The following RNF169 variants were observed in gnomAD, a reference collection of about 807,000 sequenced individuals.
RNF169 encodes E3 ubiquitin-protein ligase RNF169.
Under a neutral mutation model 53.9 loss-of-function variants are expected in RNF169, and 24 were observed. That is an observed-to-expected ratio of 0.45 (90% CI 0.32 to 0.63). RNF169 has a LOEUF of 0.63. RNF169 is among the 20% of genes least tolerant of loss of function. The pLI, the probability that RNF169 is intolerant of heterozygous loss-of-function variation, is 0.04. For synonymous variants in RNF169, 396 were observed against 363.5 expected, an observed-to-expected ratio of 1.09 and a Z score of -1.02; for missense variants, 883 against 906.2, an observed-to-expected ratio of 0.97 and a Z score of 0.33.
intron 2 of RNF169, among the ~76,000 whole-genome samples, chr11:74,792,296 T>C (rs2035590198): frequency 6.6e-6 from 1 of 152,200 alleles, no homozygotes; most frequent in Non-Finnish European, 1.5e-5. Flanking sequence ...TTTTTAGACA[T>C]TTTGAAAATG....
chr11:74,765,183 T>G (rs1019020903), intron 1 of RNF169, among the ~76,000 whole-genome samples: 1 of 152,204 alleles, frequency 6.6e-6, no homozygotes. Context: ...TACTCCAACC[T>G]AGGTGACAGA....
chr11:74,795,490 G>T (rs2035635375), intron 2 of RNF169, among the ~76,000 whole-genome samples: 1 of 152,140 alleles, frequency 6.6e-6, no homozygotes, highest in Non-Finnish European at 1.5e-5. Context: ...AGTTTTAAAG[G>T]AATGCTGTGC....
At chr11:74,831,430 T>C (rs1442675511) in intron 4 of RNF169, 4 of 152,200 alleles carry the variant, frequency 2.6e-5, no homozygotes, top group Admixed American at 6.5e-5. Flanking sequence ...TGAATAAATT[T>C]AACCGCAGTA....
chr11:74,749,524 A>T (rs1318609576), intron 1 of RNF169, 142 bp downstream of exon 1: 1 of 699,348 alleles, frequency 1.4e-6, no homozygotes, highest in Non-Finnish European at 1.9e-6. Flanking sequence ...GGCTCTACCC[A>T]GGTGCAGTGT....
At chr11:74,821,805 G>A (rs1463992315) in intron 4 of RNF169, among the ~76,000 whole-genome samples, 1 of 152,106 alleles carries the variant, frequency 6.6e-6, no homozygotes, top group Non-Finnish European at 1.5e-5. Context: ...TCCTTTTTGA[G>A]GTGACAGAAA....
intron 1 of RNF169, among the ~76,000 whole-genome samples, chr11:74,772,612 C>A (rs1007596615): frequency 1.3e-5 from 2 of 151,978 alleles, no homozygotes; most frequent in African/African-American, 4.8e-5. Flanking sequence ...CTATTTTTGA[C>A]CTTGAGTAGA....
chr11:74,791,850 C>T (rs542961106), intron 2 of RNF169, among the ~76,000 whole-genome samples: 1 of 152,350 alleles, frequency 6.6e-6, no homozygotes, highest in East Asian at 1.9e-4. Context: ...GAGGGCATGG[C>T]TCCTACCTGT....
intron 4 of RNF169, among the ~76,000 whole-genome samples, chr11:74,828,011 G>C (rs768295474): frequency 6.6e-6 from 1 of 152,084 alleles, no homozygotes; most frequent in Non-Finnish European, 1.5e-5. Flanking sequence ...AGAAATAAAG[G>C]GTATTCAAAT....
In RNF169 at chr11:74,789,662, C is replaced by G. The variant is rs202206096; in HGVS notation, c.539C>G (p.Pro180Arg). 41 of 1,609,130 alleles carry G rather than the reference C, an allele frequency of 2.5e-5. No homozygotes were observed. In the African/African-American group the frequency reaches 4.9e-4, roughly 19 times the overall value. ...IFRAPIKLSKPGELREEYESL... is the reference protein window; with the variant it reads ...IFRAPIKLSKRGELREEYESL... Reference sequence around the variant, plus strand: ...AGAGCACCAATCAAATTAAGCAAGCCTGGGGAACTTCGTGAGGAATATGAA... The same window carrying G: ...AGAGCACCAATCAAATTAAGCAAGCGTGGGGAACTTCGTGAGGAATATGAA... The change falls in exon 2 of 6, where the codon CCT becomes CGT. Residue 180 changes from proline to arginine, a missense_variant. Coordinates refer to ENST00000299563, the MANE Select transcript of RNF169 (RefSeq NM_001098638.2).
At chr11:74,794,660 A>G (rs1172216108) in intron 2 of RNF169, among the ~76,000 whole-genome samples, 1 of 152,208 alleles carries the variant, frequency 6.6e-6, no homozygotes, top group Non-Finnish European at 1.5e-5. Flanking sequence ...GAGTATGCCA[A>G]TATTGAGACC....
intron 4 of RNF169, among the ~76,000 whole-genome samples, chr11:74,827,031 A>G (rs563108309): frequency 1.4e-4 from 21 of 152,326 alleles, no homozygotes; most frequent in East Asian, 9.6e-4. Context: ...CAGTGCCCCA[A>G]TGGGGACTCA....
chr11:74,789,661 C>T lies in RNF169; in HGVS notation c.538C>T (p.Pro180Ser), dbSNP rs985471835. ...IFRAPIKLSK[P>S]GELREEYESL... ...CAGAGCACCAATCAAATTAAGCAAG[C>T]CTGGGGAACTTCGTGAGGAATATGA... Residue 180 changes from proline (P) to serine (S), a missense_variant, in exon 2 of 6, where the codon CCT becomes TCT. By Grantham distance (74) the Pro-to-Ser change is moderately conservative. Transcript: ENST00000299563. 1 of 1,608,992 alleles carries T rather than the reference C, an allele frequency of 6.2e-7. No individual in the cohort carries two copies. Among genetic ancestry groups the T allele is most frequent in the East Asian group, 2.2e-5 (1 of 44,824 alleles).
chr11:74,789,315 C>T (rs1303388176), intron 1 of RNF169, among the ~76,000 whole-genome samples: 1 of 152,088 alleles, frequency 6.6e-6, no homozygotes, highest in African/African-American at 2.4e-5. Context: ...GGACAAAAGG[C>T]AACTTTTTGG....
chr11:74,810,325 G>A lies in RNF169; in HGVS notation c.718G>A (p.Glu240Lys). 1 of 1,613,174 alleles carries A rather than the reference G, an allele frequency of 6.2e-7. No individual in the cohort carries two copies. The highest frequency in any genetic ancestry group is 8.5e-7 in the Non-Finnish European group (1 of 1,179,748). ...ACCATTAGTACTGAAAACAAATCTG[G>A]AACGTGTAAGTAAATCACCTTTTTA... ...DEPLVLKTNL[E>K]RCPARLSDSE... Residue 240 changes from glutamate (E) to lysine (K), a missense_variant, in exon 3 of 6, where the codon GAA (glutamate) becomes AAA (lysine). By Grantham distance (56) the Glu-to-Lys change is moderately conservative. Around this residue, in one of 3 missense-constraint regions of RNF169, gnomAD observed 219 missense variants for 289.1 expected, o/e 0.76. Transcript: ENST00000299563.
intron 1 of RNF169, among the ~76,000 whole-genome samples, chr11:74,753,701 TA>T (rs1373664025): frequency 6.6e-6 from 1 of 152,184 alleles, no homozygotes; most frequent in African/African-American, 2.4e-5. Flanking sequence ...AATGCACTGG[TA>T]TTTAAGTGAC....
rs1050188505 is a variant in RNF169, at chr11:74,838,636, C to T, written c.*1906C>T. The T allele has an allele frequency of 6.6e-6, 1 of 152,210 alleles. No individual in the cohort carries two copies. Among genetic ancestry groups the T allele is most frequent in the Non-Finnish European group, 1.5e-5 (1 of 68,038 alleles). The allele number at this position is 152,210 out of a possible 1,614,324, so 9.4% of individuals were successfully genotyped here. Reference sequence around the variant, plus strand: ...TGTTCTCTGTGTGTGTGCACATATGCAGATGTATGTTTTAAAAACATTTAC... The same window carrying T: ...TGTTCTCTGTGTGTGTGCACATATGTAGATGTATGTTTTAAAAACATTTAC... On this transcript the variant is annotated 3_prime_UTR_variant, in exon 6 of 6. Coordinates refer to ENST00000299563, the MANE Select transcript of RNF169 (RefSeq NM_001098638.2).
chr11:74,832,041 A>C (rs1157919746), intron 4 of RNF169: 1 of 152,078 alleles, frequency 6.6e-6, no homozygotes, highest in Non-Finnish European at 1.5e-5. Flanking sequence ...AAACTATAAA[A>C]CTCTTAGAAG....
At chr11:74,788,492 A>G in intron 1 of RNF169, among the ~76,000 whole-genome samples, 1 of 152,114 alleles carries the variant, frequency 6.6e-6, no homozygotes, top group East Asian at 1.9e-4. Flanking sequence ...TCCTGGGTTC[A>G]AGTGATTGTC....
intron 1 of RNF169, among the ~76,000 whole-genome samples, chr11:74,774,072 G>A (rs989809591): frequency 2.0e-5 from 3 of 152,124 alleles, no homozygotes; most frequent in Middle Eastern, 3.2e-3. Context: ...AGGTGCAGTC[G>A]CTCATGCCTG....
Sources: gnomAD v4.1 joint callset for allele counts (sites outside exome capture counted in the v4.1 genomes callset) on GRCh38, gnomAD v4.1.1 for gene constraint, gnomAD v4.1.1 regional missense constraint, MANE v1.5 for transcripts, NCBI Gene and HGNC (gene_info 2026-07-23, HGNC 2026-07-21) for gene names.